Variants in CDC14A observed in about 807,000 individuals in gnomAD.
The protein encoded by CDC14A is dual specificity protein phosphatase CDC14A.
In CDC14A, 53 loss-of-function variants were observed where a neutral mutation model predicts 74.4. The ratio of observed to expected loss-of-function variants is 0.71; its 90% CI spans 0.57 to 0.89. CDC14A has a LOEUF of 0.89. CDC14A is among the 40% of genes least tolerant of loss of function. The probability of loss-of-function intolerance (pLI) is 0.00; values close to 1 mark genes in which losing one functional copy is unlikely to be tolerated. For synonymous variants in CDC14A, 247 were observed against 258.4 expected (o/e 0.96, Z 0.43); for missense variants, 646 against 713.7 (o/e 0.91, Z 1.08).
chr1:100,466,114 A>G (rs1667782822), intron 9 of CDC14A, among the ~76,000 whole-genome samples: 1 of 152,162 alleles, frequency 6.6e-6, no homozygotes, highest in Admixed American at 6.5e-5. Flanking sequence ...GAGAAATTGG[A>G]AAATTTCCTG....
At chr1:100,512,382 T>C (rs963896732) in intron 15 of CDC14A, among the ~76,000 whole-genome samples, 3 of 152,214 alleles carry the variant, frequency 2.0e-5, no homozygotes, top group Non-Finnish European at 2.9e-5. Flanking sequence ...CTGGGTCTCA[T>C]TGTTAGCATA....
intron 4 of CDC14A, among the ~76,000 whole-genome samples, chr1:100,408,407 A>G (rs1028598741): frequency 6.6e-6 from 1 of 152,192 alleles, no homozygotes; most frequent in Non-Finnish European, 1.5e-5. Flanking sequence ...TGACAGAATG[A>G]TTTATATTCC....
rs1384796123 is a variant in CDC14A at position 100,443,386 on chromosome 1, A to G, written c.519+390A>G. On this transcript the variant is annotated intron_variant, in intron 7 of 15. Coordinates refer to ENST00000336454, the MANE Select transcript of CDC14A (RefSeq NM_003672.4). Reference sequence around the variant, plus strand: ...GTCTAGCTCTTTTGTCCAGGCTGAAATGCAGTGGCACAATCTCGGATCACT... The same window carrying G: ...GTCTAGCTCTTTTGTCCAGGCTGAAGTGCAGTGGCACAATCTCGGATCACT... Among the ~76,000 whole-genome samples the G allele has an allele frequency of 2.0e-5, 3 of 152,142 alleles. No homozygotes were observed. In the East Asian group the frequency reaches 5.8e-4, roughly 29 times the overall value.
At chr1:100,464,546 C>T (rs1439141829) in intron 9 of CDC14A, among the ~76,000 whole-genome samples, 1 of 152,168 alleles carries the variant, frequency 6.6e-6, no homozygotes, top group Admixed American at 6.5e-5. Context: ...TTTATATCAA[C>T]GTTTAGCAGG....
chr1:100,356,348 CACA>C (rs1241825251), intron 2 of CDC14A, among the ~76,000 whole-genome samples: 2 of 152,048 alleles, frequency 1.3e-5, no homozygotes, highest in East Asian at 3.9e-4. Context: ...ATTGTGTTTT[CACA>C]ACAATTCTGT....
intron 4 of CDC14A, among the ~76,000 whole-genome samples, chr1:100,419,263 T>A (rs183670412): frequency 6.6e-6 from 1 of 152,190 alleles, no homozygotes; most frequent in Non-Finnish European, 1.5e-5. Flanking sequence ...TTGATGTGGC[T>A]ATCACGTGAT....
intron 7 of CDC14A, among the ~76,000 whole-genome samples, chr1:100,454,506 A>G (rs1275487655): frequency 6.6e-6 from 1 of 152,142 alleles, no homozygotes; most frequent in Admixed American, 6.5e-5. Context: ...TCGGAGGCAC[A>G]TGGGGAAGGG....
chr1:100,347,466 G>C (rs561812873), intron 1 of CDC14A, among the ~76,000 whole-genome samples: 1 of 152,258 alleles, frequency 6.6e-6, no homozygotes, highest in East Asian at 1.9e-4. Context: ...ATTCTGGTTT[G>C]GAATTCTTAA....
rs77646978 is a variant in CDC14A at position 100,503,172 on chromosome 1, A to G, written c.1755+3910A>G. Among the ~76,000 whole-genome samples the G allele has an allele frequency of 5.2e-3, 789 of 152,334 alleles. 5 individuals are homozygous for G. Among genetic ancestry groups the G allele is most frequent in the African/African-American group, 0.018 (755 of 41,578 alleles). ...TTTGTGTGGAATAAGATAGGAGATT[A>G]TGAGTTATTTTTGTTTATGGTCCAG... On this transcript the variant is annotated intron_variant, in intron 15 of 15. Transcript: ENST00000336454.
intron 10 of CDC14A, among the ~76,000 whole-genome samples, chr1:100,473,339 C>T (rs1337386331): frequency 6.6e-6 from 1 of 151,732 alleles, no homozygotes; most frequent in Non-Finnish European, 1.5e-5. Flanking sequence ...TATTTATGTC[C>T]ATATGTTCAT....
intron 1 of CDC14A, among the ~76,000 whole-genome samples, chr1:100,353,549 T>C (rs1651435949): frequency 6.6e-6 from 1 of 152,210 alleles, no homozygotes; most frequent in Admixed American, 6.5e-5. Context: ...ATGTGGGTGC[T>C]CTGAGCCCCG....
intron 15 of CDC14A, among the ~76,000 whole-genome samples, chr1:100,505,348 C>G (rs964817345): frequency 1.3e-5 from 2 of 152,100 alleles, no homozygotes; most frequent in African/African-American, 4.8e-5. Flanking sequence ...ATTTGACAAA[C>G]GTAAGAACAA....
Position 100,353,845 on chromosome 1 carries a change from T to C in CDC14A, c.133T>C (p.Tyr45His), listed in dbSNP as rs1377780701. The change falls in exon 2 of 16, where the codon TAT (tyrosine) becomes CAT (histidine). Residue 45 changes from tyrosine (Y) to histidine (H), a missense_variant. Transcript: ENST00000336454. Reference sequence around the variant, plus strand: ...TTTCTCCATCGATGAGGAGCTGGTCTATGAAAAGTAAGTTTATGTTTTGTT... The same window carrying C: ...TTTCTCCATCGATGAGGAGCTGGTCCATGAAAAGTAAGTTTATGTTTTGTT... ...HYFSIDEELV[Y>H]ENFYADFGPL... is the part of the protein sequence containing the mutation. 3 of 1,594,972 alleles carry C rather than the reference T, an allele frequency of 1.9e-6. No homozygotes were observed. Among genetic ancestry groups the C allele is most frequent in the Non-Finnish European group, 2.6e-6 (3 of 1,165,490 alleles).
At chr1:100,479,703 C>T (rs1196685085) in intron 10 of CDC14A, among the ~76,000 whole-genome samples, 4 of 152,142 alleles carry the variant, frequency 2.6e-5, no homozygotes, top group South Asian at 4.1e-4. Context: ...TTTGAGTTTA[C>T]ACTATTTACT....
intron 6 of CDC14A, among the ~76,000 whole-genome samples, chr1:100,440,834 A>G (rs1664848130): frequency 6.6e-6 from 1 of 152,196 alleles, no homozygotes; most frequent in African/African-American, 2.4e-5. Flanking sequence ...TGTTTTATAC[A>G]TGGTTGTTTC....
At chr1:100,504,858 C>A in intron 15 of CDC14A, 25 of 1,535,584 alleles carry the variant, frequency 1.6e-5, no homozygotes, top group Non-Finnish European at 2.2e-5. Flanking sequence ...TTCTTGGAAG[C>A]CCCCTGCTCT....
At chr1:100,398,033 C>T (rs1198130246) in intron 4 of CDC14A, among the ~76,000 whole-genome samples, 2 of 152,236 alleles carry the variant, frequency 1.3e-5, no homozygotes, top group East Asian at 1.9e-4. Context: ...GCTCACTGGG[C>T]TTTGAATCCA....
intron 10 of CDC14A, among the ~76,000 whole-genome samples, chr1:100,483,050 A>G (rs1352785607): frequency 6.6e-6 from 1 of 152,088 alleles, no homozygotes; most frequent in Non-Finnish European, 1.5e-5. Flanking sequence ...CTACATGAAC[A>G]TTTGCGTGTA....
chr1:100,388,619 G>A (rs1482512340), intron 3 of CDC14A, among the ~76,000 whole-genome samples: 1 of 152,074 alleles, frequency 6.6e-6, no homozygotes, highest in Non-Finnish European at 1.5e-5. Context: ...TTGTTTGTTT[G>A]TTTTTGAGAC....
Sources: allele counts gnomAD v4.1 joint callset (sites outside exome capture counted in the v4.1 genomes callset), GRCh38; gene constraint gnomAD v4.1.1; transcripts MANE v1.5; gene names NCBI Gene and HGNC (gene_info 2026-07-23, HGNC 2026-07-21).